TAFA5: variants seen among roughly 807,000 people sequenced by gnomAD.
TAFA5 encodes chemokine-like protein TAFA-5.
In TAFA5, 6 loss-of-function variants were observed where a neutral mutation model predicts 15.3. That is an observed-to-expected ratio of 0.39 (90% CI 0.21 to 0.77). The LOEUF is 0.77. Among genes scored for constraint, TAFA5 ranks in the 30% least tolerant of loss-of-function variants. TAFA5 has a pLI of 0.41. For synonymous variants in TAFA5, 103 were observed against 80.7 expected, an observed-to-expected ratio of 1.28 and a Z score of -1.48; for missense variants, 161 against 193.1, an observed-to-expected ratio of 0.83 and a Z score of 0.98.
chr22:48,685,619 G>A (rs1018468489), intron 2 of TAFA5, among the ~76,000 whole-genome samples: 4 of 152,010 alleles, frequency 2.6e-5, no homozygotes, highest in African/African-American at 9.7e-5. Flanking sequence ...AAAAGGGAGG[G>A]GGCGTATTGA....
chr22:48,555,037 T>A (rs1381772080), intron 1 of TAFA5, among the ~76,000 whole-genome samples: 1 of 152,218 alleles, frequency 6.6e-6, no homozygotes, highest in Non-Finnish European at 1.5e-5. Flanking sequence ...GAGAAGGCTG[T>A]TCCAGTGGCT....
intron 1 of TAFA5, among the ~76,000 whole-genome samples, chr22:48,629,135 C>G (rs1295668512): frequency 6.6e-6 from 1 of 152,106 alleles, no homozygotes; most frequent in Non-Finnish European, 1.5e-5. Flanking sequence ...CAGCGGCTCC[C>G]CTCGAGGTGG....
intron 2 of TAFA5, among the ~76,000 whole-genome samples, chr22:48,664,808 C>T (rs1268175138): frequency 6.6e-6 from 1 of 152,154 alleles, no homozygotes. Context: ...TATAAAATGT[C>T]CCTGTACCGC....
chr22:48,721,961 A>G (rs936058214), intron 3 of TAFA5, among the ~76,000 whole-genome samples: 1 of 146,280 alleles, frequency 6.8e-6, no homozygotes, highest in Admixed American at 6.8e-5. Context: ...CAGGCGACAG[A>G]GCAAAACTCT....
chr22:48,593,092 G>A (rs548296389), intron 1 of TAFA5, among the ~76,000 whole-genome samples: 24 of 152,340 alleles, frequency 1.6e-4, no homozygotes, highest in African/African-American at 5.3e-4. Flanking sequence ...GACAGGAGCC[G>A]CAGCAGACGC....
intron 1 of TAFA5, among the ~76,000 whole-genome samples, chr22:48,633,036 C>T (rs949255910): frequency 2.6e-5 from 4 of 152,136 alleles, no homozygotes; most frequent in South Asian, 4.1e-4. Flanking sequence ...AGGAGTTTGG[C>T]GAGGATGAGT....
intron 1 of TAFA5, among the ~76,000 whole-genome samples, chr22:48,571,271 CTTT>C (rs869050468): frequency 2.0e-5 from 2 of 97,710 alleles, no homozygotes; most frequent in African/African-American, 7.6e-5. Flanking sequence ...TTGTTGTTTG[CTTT>C]TTTTTTTTTT....
chr22:48,698,591 G>T (rs1928802236), intron 2 of TAFA5, among the ~76,000 whole-genome samples: 4 of 77,486 alleles, frequency 5.2e-5, no homozygotes, highest in East Asian at 3.9e-4. Flanking sequence ...CCTGAGTGGG[G>T]CACATTCCTC....
At chr22:48,533,562 C>T (rs1286330173) in intron 1 of TAFA5, among the ~76,000 whole-genome samples, 1 of 152,206 alleles carries the variant, frequency 6.6e-6, no homozygotes, top group African/African-American at 2.4e-5. Flanking sequence ...GATCCCACCA[C>T]ATTCTGAAAC....
intron 3 of TAFA5, among the ~76,000 whole-genome samples, chr22:48,741,476 C>T (rs542040276): frequency 6.6e-6 from 1 of 152,338 alleles, no homozygotes; most frequent in East Asian, 1.9e-4. Flanking sequence ...CACAGGTCAG[C>T]CCCTCAGCAG....
chr22:48,616,635 C>T lies in TAFA5; in HGVS notation c.113-29962C>T, dbSNP rs146375359. ...AAACCAGGGAGTGGCCTCGCTGAGG[C>T]CGGATGGGCTGCACTTTGTCCCACC... is the stretch of plus-strand genomic sequence containing the variant. On this transcript the variant is annotated intron_variant, in intron 1 of 3. Coordinates refer to ENST00000402357, the MANE Select transcript of TAFA5 (RefSeq NM_001082967.3). Among the ~76,000 whole-genome samples, 1,282 of 152,346 alleles carry T rather than the reference C, an allele frequency of 8.4e-3. 19 individuals carry two copies. The highest frequency in any genetic ancestry group is 0.029 in the African/African-American group (1,193 of 41,570).
intron 1 of TAFA5, among the ~76,000 whole-genome samples, chr22:48,532,247 G>C (rs1018051230): frequency 6.6e-6 from 1 of 152,232 alleles, no homozygotes. Flanking sequence ...GGGCTGCCCA[G>C]CCAGCACTCT....
chr22:48,709,664 C>T (rs968746273), intron 3 of TAFA5, among the ~76,000 whole-genome samples: 2 of 152,180 alleles, frequency 1.3e-5, no homozygotes, highest in African/African-American at 2.4e-5. Flanking sequence ...GCCCACGAGG[C>T]GCCCAGGCCA....
intron 1 of TAFA5, among the ~76,000 whole-genome samples, chr22:48,611,124 G>A (rs1317826021): frequency 2.0e-5 from 3 of 152,082 alleles, no homozygotes; most frequent in Non-Finnish European, 2.9e-5. Flanking sequence ...CAGTAGAGAC[G>A]GGGTTTCACC....
intron 2 of TAFA5, among the ~76,000 whole-genome samples, chr22:48,703,393 G>C (rs1453510502): frequency 6.6e-6 from 1 of 152,222 alleles, no homozygotes; most frequent in African/African-American, 2.4e-5. Flanking sequence ...ATCATGTCTG[G>C]CAGGGATGAG....
intron 3 of TAFA5, among the ~76,000 whole-genome samples, chr22:48,719,196 C>T (rs1929493841): frequency 2.0e-5 from 3 of 152,220 alleles, no homozygotes; most frequent in South Asian, 4.1e-4. Context: ...TTCCCAAGGC[C>T]GGCTCACCTT....
intron 1 of TAFA5, among the ~76,000 whole-genome samples, chr22:48,597,898 G>A (rs550708320): frequency 1.3e-5 from 2 of 152,332 alleles, no homozygotes; most frequent in East Asian, 1.9e-4. Flanking sequence ...ACCAACGCAC[G>A]GGCCGATTAT....
At chr22:48,697,621 T>A (rs1002071218) in intron 2 of TAFA5, among the ~76,000 whole-genome samples, 6 of 151,132 alleles carry the variant, frequency 4.0e-5, no homozygotes, top group African/African-American at 1.2e-4. Context: ...ATGATGGTGA[T>A]GAAGACAGTA....
intron 1 of TAFA5, among the ~76,000 whole-genome samples, chr22:48,508,061 G>A (rs779688010): frequency 1.1e-4 from 16 of 152,276 alleles, no homozygotes; most frequent in Non-Finnish European, 2.1e-4. Context: ...AGAGCCGCCC[G>A]CTTGCAGAGA....
Sources: gnomAD v4.1 joint callset for allele counts (sites outside exome capture counted in the v4.1 genomes callset) on GRCh38, gnomAD v4.1.1 for gene constraint, MANE v1.5 for transcripts, NCBI Gene and HGNC (gene_info 2026-07-23, HGNC 2026-07-21) for gene names.